Variants in TXNDC16 observed in about 807,000 individuals in gnomAD.
The protein encoded by TXNDC16 is thioredoxin domain containing 16.
In TXNDC16, 74 loss-of-function variants were observed where a neutral mutation model predicts 85.6. The observed-to-expected ratio is 0.86, with a 90% CI of 0.72 to 1.05. The LOEUF is 1.05. Ranked by LOEUF, TXNDC16 falls within the 50% of genes least tolerant of loss-of-function variation. TXNDC16 has a pLI of 0.00. For missense variants in TXNDC16, 959 were observed against 947.0 expected (o/e 1.01, Z -0.17); for synonymous variants, 335 against 326.5 (o/e 1.03, Z -0.28).
chr14:52,496,142 A>G (rs2140161175), intron 9 of TXNDC16, among the ~76,000 whole-genome samples: 1 of 151,858 alleles, frequency 6.6e-6, no homozygotes, highest in East Asian at 1.9e-4. Flanking sequence ...CCTGGGTGAC[A>G]GCACGAGACT....
intron 13 of TXNDC16, among the ~76,000 whole-genome samples, 197 bp downstream of exon 13, chr14:52,482,625 C>T (rs2036175920): frequency 6.6e-6 from 1 of 152,132 alleles, no homozygotes; most frequent in Non-Finnish European, 1.5e-5. Context: ...TTTAATCATT[C>T]ACCTTTAATT....
At chr14:52,521,215 T>A (rs1392115414) in intron 6 of TXNDC16, among the ~76,000 whole-genome samples, 1 of 151,506 alleles carries the variant, frequency 6.6e-6, no homozygotes, top group Non-Finnish European at 1.5e-5. Flanking sequence ...TGGGTTCAAG[T>A]GATTCTTCTG....
chr14:52,440,745 C>A, intron 18 of TXNDC16, 21 bp from the exon 19 acceptor site: 1 of 1,597,266 alleles, frequency 6.3e-7, no homozygotes, highest in Admixed American at 1.8e-5. Flanking sequence ...AAAGGAATAA[C>A]AACAATAAAA....
At chr14:52,522,011 G>A (rs1287309296) in intron 6 of TXNDC16, among the ~76,000 whole-genome samples, 1 of 152,154 alleles carries the variant, frequency 6.6e-6, no homozygotes, top group Non-Finnish European at 1.5e-5. Context: ...AATGGCAATG[G>A]AGTCTCAGTG....
intron 17 of TXNDC16, among the ~76,000 whole-genome samples, chr14:52,456,763 T>G (rs914299759): frequency 1.3e-5 from 2 of 152,090 alleles, no homozygotes; most frequent in Non-Finnish European, 2.9e-5. Context: ...AAACCTCAGA[T>G]GCTCAAAAAG....
In TXNDC16 at chr14:52,491,031, A is replaced by T. The variant is rs537917630; in HGVS notation, c.757-26T>A. ...CTTCATTGAAAAAAAAAAAAAAAAA[A>T]GGTGTGATAACAATATTCCAACATT... On this transcript the variant is annotated intron_variant, in intron 9 of 20. Coordinates refer to ENST00000281741, the MANE Select transcript of TXNDC16 (RefSeq NM_020784.3). 19 of 1,468,734 alleles carry T rather than the reference A, an allele frequency of 1.3e-5. No individual in the cohort carries two copies. The East Asian group carries it at 3.1e-4, about 24-fold the overall frequency. 91.0% of individuals were successfully genotyped at this position (1,468,734 alleles called of 1,614,324 possible). A position where few individuals can be genotyped will look rare whatever the true frequency, so the allele number is the denominator to read the frequency against.
intron 12 of TXNDC16, among the ~76,000 whole-genome samples, chr14:52,487,992 T>A (rs1009778541): frequency 5.3e-5 from 8 of 152,244 alleles, no homozygotes; most frequent in African/African-American, 1.9e-4. Context: ...TAACAATATT[T>A]ATTAGAACTC....
chr14:52,530,442 ATAT>A (rs2037513702), intron 6 of TXNDC16, among the ~76,000 whole-genome samples: 1 of 16,584 alleles, frequency 6.0e-5, no homozygotes, highest in African/African-American at 3.2e-4. Context: ...AATATATAAT[ATAT>A]TATTATATAA....
chr14:52,449,470 A>G (rs1049866554), intron 18 of TXNDC16, among the ~76,000 whole-genome samples: 1 of 152,172 alleles, frequency 6.6e-6, no homozygotes, highest in Admixed American at 6.5e-5. Flanking sequence ...TTAGGGCCAA[A>G]GATAGAGATA....
intron 4 of TXNDC16, among the ~76,000 whole-genome samples, chr14:52,541,444 C>T (rs577586137): frequency 9.2e-5 from 14 of 152,240 alleles, no homozygotes; most frequent in African/African-American, 3.1e-4. Context: ...TTCAGAGATC[C>T]TTGGAGATGA....
chr14:52,450,141 A>G (rs547593226), intron 18 of TXNDC16, among the ~76,000 whole-genome samples: 1 of 152,148 alleles, frequency 6.6e-6, no homozygotes, highest in African/African-American at 2.4e-5. Flanking sequence ...AACATCCAGG[A>G]AACAAGTTGG....
intron 12 of TXNDC16, among the ~76,000 whole-genome samples, chr14:52,484,859 C>A (rs1014696237): frequency 6.6e-6 from 1 of 151,476 alleles, no homozygotes; most frequent in Non-Finnish European, 1.5e-5. Context: ...CCAGCCTGGG[C>A]GACAAAAGTG....
intron 6 of TXNDC16, among the ~76,000 whole-genome samples, chr14:52,529,891 T>TATATTAC (rs2037452272): frequency 9.9e-6 from 1 of 101,122 alleles, no homozygotes; most frequent in Non-Finnish European, 1.7e-5. Flanking sequence ...ATATGAATTA[T>TATATTAC]ATATTATATA....
At chr14:52,547,513 A>G (rs1448502433) in intron 1 of TXNDC16, among the ~76,000 whole-genome samples, 1 of 152,112 alleles carries the variant, frequency 6.6e-6, no homozygotes, top group Non-Finnish European at 1.5e-5. Context: ...ATTCATTTCT[A>G]TTGTGTTAGG....
intron 9 of TXNDC16, among the ~76,000 whole-genome samples, chr14:52,509,675 A>T (rs530360745): frequency 2.7e-5 from 3 of 111,710 alleles, no homozygotes; most frequent in African/African-American, 1.2e-4. Context: ...GGCAGCACAT[A>T]AAAAAAAAAG....
In TXNDC16 at chr14:52,481,113, T is replaced by C. The variant is rs572462766; in HGVS notation, c.1312+1117A>G. ...GGAATGAAAAACCAACCATCACATG[T>C]TCTCACTCATATTTGGGAGCTAAGC... On this transcript the variant is annotated intron_variant, in intron 14 of 20. Coordinates refer to ENST00000281741, the MANE Select transcript of TXNDC16 (RefSeq NM_020784.3). Among the ~76,000 whole-genome samples the C allele has an allele frequency of 1.4e-3, 216 of 151,748 alleles. 1 individual carries two copies. The highest frequency in any genetic ancestry group is 2.4e-3 in the Non-Finnish European group (163 of 67,898).
At position 52,458,687 on chromosome 14, in the gene TXNDC16, T is replaced by G. The variant is rs962654109; in HGVS notation, c.1619-1513A>C. 5.9e-5 allele frequency among the ~76,000 whole-genome samples: 9 copies of G among 152,220 alleles called. No individual in the cohort carries two copies. The South Asian group carries it at 1.9e-3, about 32-fold the overall frequency. On this transcript the variant is annotated intron_variant, in intron 16 of 20. Coordinates refer to ENST00000281741, the MANE Select transcript of TXNDC16 (RefSeq NM_020784.3). ...GTGTCTGTACTTTCATTTCTAAGAG[T>G]GAACAGAGTGAAATTCCAGTCAATG...
At chr14:52,476,405 G>T (rs1037678690) in intron 14 of TXNDC16, among the ~76,000 whole-genome samples, 60 of 152,044 alleles carry the variant, frequency 3.9e-4, no homozygotes, top group African/African-American at 1.4e-3. Flanking sequence ...CCAGAGAAAG[G>T]CAAAGCCCAA....
chr14:52,460,349 C>G lies in TXNDC16; in HGVS notation c.1619-3175G>C, dbSNP rs367969984. The stretch of plus-strand genomic sequence containing the variant: ...CAATATCATTAAAATGGCCATACTG[C>G]CCAAAGCAATCTATAGATTCAATGC... On this transcript the variant is annotated intron_variant, in intron 16 of 20. Coordinates refer to ENST00000281741, the MANE Select transcript of TXNDC16 (RefSeq NM_020784.3). Among the ~76,000 whole-genome samples, 4 of 152,222 alleles carry G rather than the reference C, an allele frequency of 2.6e-5. No individual in the cohort carries two copies. The East Asian group carries it at 5.8e-4, about 22-fold the overall frequency.
Sources: gnomAD v4.1 joint callset for allele counts (sites outside exome capture counted in the v4.1 genomes callset) on GRCh38, gnomAD v4.1.1 for gene constraint, MANE v1.5 for transcripts, NCBI Gene and HGNC (gene_info 2026-07-23, HGNC 2026-07-21) for gene names.